Variants in EDIL3 observed in about 807,000 individuals in gnomAD.
EDIL3 encodes the protein EGF-like repeat and discoidin I-like domain-containing protein 3.
In EDIL3, 37 loss-of-function variants were observed where a neutral mutation model predicts 67.4. The ratio of observed to expected loss-of-function variants is 0.55; its 90% CI spans 0.42 to 0.72. The LOEUF (loss-of-function observed/expected upper bound fraction) is 0.72, where lower values mean the gene tolerates loss of function less well. EDIL3 is among the 30% of genes least tolerant of loss of function. The probability of loss-of-function intolerance (pLI) is 0.00; values close to 1 mark genes in which losing one functional copy is unlikely to be tolerated. For synonymous variants in EDIL3, 195 were observed against 196.3 expected (o/e 0.99, Z 0.05); for missense variants, 527 against 586.3 (o/e 0.90, Z 1.04).
chr5:84,202,390 A>C (rs1743862546), intron 3 of EDIL3, among the ~76,000 whole-genome samples: 1 of 152,160 alleles, frequency 6.6e-6, no homozygotes, highest in Non-Finnish European at 1.5e-5. Context: ...CAGCAAGAAA[A>C]GGTTAATAGG....
intron 3 of EDIL3, among the ~76,000 whole-genome samples, chr5:84,209,308 T>A (rs1054342638): frequency 6.6e-6 from 1 of 152,034 alleles, no homozygotes; most frequent in Admixed American, 6.5e-5. Context: ...CACACCAGCA[T>A]GGCACATGTA....
chr5:84,265,013 T>A (rs762819530), intron 1 of EDIL3, among the ~76,000 whole-genome samples: 2 of 152,212 alleles, frequency 1.3e-5, no homozygotes, highest in Non-Finnish European at 2.9e-5. Context: ...AAACACAAGT[T>A]GGTTAACTTG....
At chr5:84,069,944 A>G (rs1194934772) in intron 6 of EDIL3, among the ~76,000 whole-genome samples, 5 of 151,998 alleles carry the variant, frequency 3.3e-5, no homozygotes, top group Non-Finnish European at 7.4e-5. Flanking sequence ...GGATGTGGAG[A>G]GGAGCAGAGG....
intron 5 of EDIL3, among the ~76,000 whole-genome samples, chr5:84,131,630 A>G (rs111846447): frequency 0.017 from 2,606 of 152,294 alleles, 31 homozygotes; most frequent in Non-Finnish European, 0.027. Context: ...AATCAGTAGT[A>G]AAGAGTATCT....
intron 9 of EDIL3, among the ~76,000 whole-genome samples, chr5:84,056,583 G>T (rs1437299551): frequency 6.6e-6 from 1 of 152,048 alleles, no homozygotes; most frequent in Non-Finnish European, 1.5e-5. Flanking sequence ...ATTTTGGGGG[G>T]CTGAATTTAC....
At chr5:84,067,446 C>A (rs1438628791) in intron 6 of EDIL3, among the ~76,000 whole-genome samples, 1 of 152,064 alleles carries the variant, frequency 6.6e-6, no homozygotes, top group Non-Finnish European at 1.5e-5. Flanking sequence ...ATATTGTAAA[C>A]ATTAAAATTA....
intron 3 of EDIL3, among the ~76,000 whole-genome samples, chr5:84,184,564 G>C (rs1412350279): frequency 6.6e-6 from 1 of 152,342 alleles, no homozygotes; most frequent in Non-Finnish European, 1.5e-5. Flanking sequence ...ACACAAGCCT[G>C]TGAGTGGTAC....
intron 4 of EDIL3, among the ~76,000 whole-genome samples, chr5:84,161,978 A>T (rs973737004): frequency 2.0e-4 from 31 of 152,112 alleles, no homozygotes; most frequent in Admixed American, 1.5e-3. Context: ...CTTTCAACCC[A>T]CTCTTCTCTA....
intron 9 of EDIL3, among the ~76,000 whole-genome samples, chr5:84,044,917 A>G (rs1331603691): frequency 6.6e-6 from 1 of 152,320 alleles, no homozygotes; most frequent in Admixed American, 6.5e-5. Flanking sequence ...GTAAAGCCAA[A>G]GAGTAGATAC....
intron 3 of EDIL3, among the ~76,000 whole-genome samples, chr5:84,186,874 G>A (rs1743466802): frequency 2.0e-5 from 3 of 152,044 alleles, no homozygotes; most frequent in African/African-American, 4.8e-5. Flanking sequence ...AATCTCAATT[G>A]CTTGTCACTT....
At chr5:84,134,654 A>G (rs190710463) in intron 5 of EDIL3, among the ~76,000 whole-genome samples, 1 of 152,342 alleles carries the variant, frequency 6.6e-6, no homozygotes, top group African/African-American at 2.4e-5. Context: ...TACAGAAAAA[A>G]GTAGAACCAT....
chr5:84,042,990 G>A (rs1746159683), intron 9 of EDIL3, among the ~76,000 whole-genome samples: 1 of 152,138 alleles, frequency 6.6e-6, no homozygotes, highest in South Asian at 2.1e-4. Flanking sequence ...ACACAGAGGA[G>A]GCAAAACCAA....
chr5:84,116,732 C>A (rs1036689182), intron 5 of EDIL3, among the ~76,000 whole-genome samples: 1 of 152,146 alleles, frequency 6.6e-6, no homozygotes, highest in East Asian at 1.9e-4. Context: ...GAACTTTAAA[C>A]ATAACAAATG....
At chr5:84,257,431 C>A (rs1023383373) in intron 1 of EDIL3, among the ~76,000 whole-genome samples, 1 of 152,092 alleles carries the variant, frequency 6.6e-6, no homozygotes, top group African/African-American at 2.4e-5. Flanking sequence ...CTAATACACT[C>A]GAAATTTTCA....
rs1238273466 is a variant in EDIL3 at position 84,278,542 on chromosome 5, G to A, written c.68-24330C>T. Among the ~76,000 whole-genome samples the A allele has an allele frequency of 3.9e-5, 6 of 152,114 alleles. No homozygotes were observed. In the South Asian group the frequency reaches 6.2e-4, roughly 16 times the overall value. On this transcript the variant is annotated intron_variant, in intron 1 of 10. Transcript: ENST00000296591. ...AATCAGCATGTTGAGGACCTACCAC[G>A]TGCCCAATATTATATCAGGTATAGA...
intron 1 of EDIL3, among the ~76,000 whole-genome samples, chr5:84,357,216 C>T (rs187309801): frequency 3.4e-4 from 51 of 152,190 alleles, no homozygotes; most frequent in African/African-American, 1.2e-3. Flanking sequence ...TGAGCCACCA[C>T]GCCTGGCAGA....
chr5:83,957,431 G>T (rs1318914619), intron 10 of EDIL3, among the ~76,000 whole-genome samples: 2 of 151,688 alleles, frequency 1.3e-5, no homozygotes, highest in African/African-American at 4.8e-5. Flanking sequence ...CCTTACCCAT[G>T]AGTTGGACTT....
At position 84,176,181 on chromosome 5, in the gene EDIL3, A is replaced by AT. The variant is rs1181173284; in HGVS notation, c.355+4211_355+4212insA. Among the ~76,000 whole-genome samples the AT allele has an allele frequency of 2.8e-3, 243 of 86,448 alleles. 2 individuals carry two copies. The highest frequency in any genetic ancestry group is 9.8e-3 in the African/African-American group (185 of 18,866). The allele number at this position is 86,448 out of a possible 152,430, so 56.7% of individuals were successfully genotyped here. A position where few individuals can be genotyped will look rare whatever the true frequency, so the allele number is the denominator to read the frequency against. ...CTGGCCAACTTTCTCAGTGGTAAAA[A>AT]ATATATATATATATATAATATATAT... is the stretch of plus-strand genomic sequence containing the variant. On this transcript the variant is annotated intron_variant, in intron 4 of 10. Transcript: ENST00000296591.
At chr5:84,097,114 C>T (rs1006224824) in intron 6 of EDIL3, among the ~76,000 whole-genome samples, 3 of 152,134 alleles carry the variant, frequency 2.0e-5, no homozygotes, top group Non-Finnish European at 4.4e-5. Context: ...CAGACTAATA[C>T]ACCAAGTGAC....
Sources: gnomAD v4.1 joint callset for allele counts (sites outside exome capture counted in the v4.1 genomes callset) on GRCh38, gnomAD v4.1.1 for gene constraint, MANE v1.5 for transcripts, NCBI Gene and HGNC (gene_info 2026-07-23, HGNC 2026-07-21) for gene names.